OSBPL6: variants seen among roughly 807,000 people sequenced by gnomAD.
OSBPL6 encodes the protein oxysterol-binding protein-related protein 6.
OSBPL6 carries 49 observed loss-of-function variants against 125.8 expected under a neutral mutation model. That is an observed-to-expected ratio of 0.39 (90% CI 0.31 to 0.49). The LOEUF is 0.49. Among genes scored for constraint, OSBPL6 ranks in the 20% least tolerant of loss-of-function variants. The pLI is 0.88. For synonymous variants in OSBPL6, 394 were observed against 391.8 expected (o/e 1.01, Z -0.07); for missense variants, 986 against 1,135.4 (o/e 0.87, Z 1.89).
At chr2:178,256,572 C>T (rs965567804) in intron 1 of OSBPL6, among the ~76,000 whole-genome samples, 4 of 152,140 alleles carry the variant, frequency 2.6e-5, no homozygotes, top group African/African-American at 7.2e-5. Flanking sequence ...GTGAATGCAG[C>T]GTCTGAGGCA....
intron 11 of OSBPL6, chr2:178,344,233 T>A (rs1461641865): frequency 6.8e-7 from 1 of 1,461,826 alleles, no homozygotes; most frequent in East Asian, 2.3e-5. Context: ...CCATCTTCCA[T>A]CCTTTCCTCC....
chr2:178,224,860 G>A lies in OSBPL6; in HGVS notation c.-351+30186G>A, dbSNP rs189356467. ...TGAGGCAGGAGGATCGCTCAAGCCC[G>A]GATGGCAGAGATTGCAGTGAGCTGA... On this transcript the variant is annotated intron_variant, in intron 1 of 24. Transcript: ENST00000190611. Among the ~76,000 whole-genome samples the A allele has an allele frequency of 5.7e-3, 865 of 152,288 alleles. 8 individuals are homozygous for A. Among genetic ancestry groups the A allele is most frequent in the African/African-American group, 0.019 (787 of 41,556 alleles).
intron 23 of OSBPL6, 149 bp downstream of exon 23, chr2:178,392,687 A>T (rs1277823229): frequency 9.3e-7 from 1 of 1,072,450 alleles, no homozygotes; most frequent in African/African-American, 1.6e-5. Context: ...GAGACTCTAT[A>T]TCTCTAAAAA....
chr2:178,277,930 A>T (rs1302537867), intron 1 of OSBPL6, among the ~76,000 whole-genome samples: 2 of 152,148 alleles, frequency 1.3e-5, no homozygotes, highest in Non-Finnish European at 2.9e-5. Flanking sequence ...CCTGTTCTTT[A>T]CAGCCCACAC....
chr2:178,276,543 T>A (rs757572286), intron 1 of OSBPL6, among the ~76,000 whole-genome samples: 2 of 152,018 alleles, frequency 1.3e-5, no homozygotes, highest in Non-Finnish European at 2.9e-5. Context: ...CAGCTAATTT[T>A]TGTATTTTTA....
At chr2:178,247,784 T>C (rs2091547564) in intron 1 of OSBPL6, among the ~76,000 whole-genome samples, 1 of 152,208 alleles carries the variant, frequency 6.6e-6, no homozygotes, top group South Asian at 2.1e-4. Flanking sequence ...GTATTTTGTC[T>C]GTGTTCTGTC....
At position 178,194,537 on chromosome 2, in the gene OSBPL6, T is replaced by G. The variant is rs1307808314; in HGVS notation, c.-488T>G. On this transcript the variant is annotated 5_prime_UTR_variant, in exon 1 of 25. Coordinates refer to ENST00000190611, the MANE Select transcript of OSBPL6 (RefSeq NM_032523.4). ...GTCGGTGCTGGAGATCGCGGCTCGG[T>G]GCAGGCGGCGCCCATGCCTCCTCTC... 1 of 152,006 alleles carries G rather than the reference T, an allele frequency of 6.6e-6. No individual in the cohort carries two copies. The highest frequency in any genetic ancestry group is 1.5e-5 in the Non-Finnish European group (1 of 68,042). The allele number at this position is 152,006 out of a possible 1,614,324, so 9.4% of individuals were successfully genotyped here. A position where few individuals can be genotyped will look rare whatever the true frequency, so the allele number is the denominator to read the frequency against.
chr2:178,212,328 G>A (rs1461052826), intron 1 of OSBPL6, among the ~76,000 whole-genome samples: 2 of 152,186 alleles, frequency 1.3e-5, no homozygotes, highest in Non-Finnish European at 2.9e-5. Context: ...GCTAATTTGT[G>A]TGATTCTTTT....
chr2:178,380,950 T>C (rs1469412534), intron 15 of OSBPL6, among the ~76,000 whole-genome samples: 3 of 152,236 alleles, frequency 2.0e-5, no homozygotes, highest in African/African-American at 4.8e-5. Flanking sequence ...ATTTTGAAAT[T>C]GGAGGATAAT....
rs1236982720 is a variant in OSBPL6 at position 178,310,937 on chromosome 2, C to T, written c.102+4651C>T. Among the ~76,000 whole-genome samples the T allele has an allele frequency of 3.9e-5, 6 of 152,282 alleles. No homozygotes were observed. In the South Asian group the frequency reaches 6.2e-4, roughly 16 times the overall value. ...CACCGTCATTTCTCACCTGGACTAT[C>T]GTCACAGTTTTCCAGTGGGTCTCCC... On this transcript the variant is annotated intron_variant, in intron 3 of 24. Coordinates refer to ENST00000190611, the MANE Select transcript of OSBPL6 (RefSeq NM_032523.4).
At chr2:178,384,933 G>A (rs1025085089) in intron 18 of OSBPL6, among the ~76,000 whole-genome samples, 2 of 152,164 alleles carry the variant, frequency 1.3e-5, no homozygotes, top group South Asian at 2.1e-4. Context: ...TGGGAGGCAG[G>A]TGGTCCTGAG....
intron 1 of OSBPL6, among the ~76,000 whole-genome samples, chr2:178,273,907 T>C (rs915126099): frequency 1.3e-5 from 2 of 152,190 alleles, no homozygotes; most frequent in African/African-American, 4.8e-5. Context: ...TGGGTGTTGA[T>C]AATGCCTAAT....
chr2:178,337,162 A>G (rs1054944463), intron 9 of OSBPL6, among the ~76,000 whole-genome samples: 9 of 152,200 alleles, frequency 5.9e-5, no homozygotes, highest in Non-Finnish European at 1.5e-5. Context: ...AAAACCGAGA[A>G]AAACAAGGGC....
intron 1 of OSBPL6, among the ~76,000 whole-genome samples, chr2:178,272,102 G>A (rs1329335862): frequency 6.6e-6 from 1 of 152,206 alleles, no homozygotes; most frequent in African/African-American, 2.4e-5. Flanking sequence ...TGCAGACAGT[G>A]GGCAGCTGTC....
At chr2:178,339,320 T>TA (rs1429013919) in intron 10 of OSBPL6, among the ~76,000 whole-genome samples, 5 of 152,200 alleles carry the variant, frequency 3.3e-5, no homozygotes, top group Non-Finnish European at 7.4e-5. Flanking sequence ...CCAAAAGAAA[T>TA]ACATTCAGTA....
rs548025480 is a variant in OSBPL6, at chr2:178,380,080, G to A, written c.1534-2340G>A. Among the ~76,000 whole-genome samples the A allele has an allele frequency of 1.4e-3, 209 of 152,246 alleles. 5 individuals carry two copies. In the South Asian group the frequency reaches 0.031, roughly 23 times the overall value. ...TTTAAAAATGCAAGTTAAGAAAAAT[G>A]TAATCTATATGTCAAACTGAAAAAT... On this transcript the variant is annotated intron_variant, in intron 15 of 24. Transcript: ENST00000190611.
intron 1 of OSBPL6, among the ~76,000 whole-genome samples, chr2:178,274,113 G>A (rs1272891829): frequency 2.0e-5 from 3 of 152,114 alleles, no homozygotes; most frequent in African/African-American, 4.8e-5. Flanking sequence ...TTATTTTAGT[G>A]TACCTATAGT....
chr2:178,252,913 G>A (rs2091748448), intron 1 of OSBPL6, among the ~76,000 whole-genome samples: 1 of 152,112 alleles, frequency 6.6e-6, no homozygotes, highest in African/African-American at 2.4e-5. Flanking sequence ...ATGGCTCCTG[G>A]TGTGGTTGGT....
intron 2 of OSBPL6, among the ~76,000 whole-genome samples, chr2:178,296,132 C>CTTA (rs1685730816): frequency 6.6e-6 from 1 of 151,922 alleles, no homozygotes. Context: ...TGCTGGCAGG[C>CTTA]TTATTAAAGC....
Sources: allele counts gnomAD v4.1 joint callset (sites outside exome capture counted in the v4.1 genomes callset), GRCh38; gene constraint gnomAD v4.1.1; transcripts MANE v1.5; gene names NCBI Gene and HGNC (gene_info 2026-07-23, HGNC 2026-07-21).